Variants in C12orf54 observed in about 807,000 individuals in gnomAD.
C12orf54 encodes chromosome 12 open reading frame 54, also known as uncharacterized protein C12orf54.
C12orf54 carries 24 observed loss-of-function variants against 26.4 expected under a neutral mutation model. The ratio of observed to expected loss-of-function variants is 0.91; its 90% CI spans 0.66 to 1.28. The LOEUF is 1.28. Ranked by LOEUF, C12orf54 falls within the 50% of genes most tolerant of loss-of-function variation. The pLI is 0.00. For missense variants in C12orf54, 154 were observed against 150.9 expected, an observed-to-expected ratio of 1.02 and a Z score of -0.11; for synonymous variants, 54 against 47.0, an observed-to-expected ratio of 1.15 and a Z score of -0.61.
the C12orf54 span, among the ~76,000 whole-genome samples, chr12:48,470,236 T>C: frequency 6.6e-6 from 1 of 152,226 alleles, no homozygotes; most frequent in Non-Finnish European, 1.5e-5. Flanking sequence ...GGATCAAATG[T>C]ATTTCTGTTT....
At chr12:48,479,518 T>C (rs1367240031), upstream of C12orf54, among the ~76,000 whole-genome samples, 2 of 151,336 alleles carry the variant, frequency 1.3e-5, no homozygotes, top group African/African-American at 4.8e-5. Flanking sequence ...ATAATAATAA[T>C]AAAATAAAAT....
At chr12:48,445,966 A>T in the C12orf54 span, among the ~76,000 whole-genome samples, 5 of 152,346 alleles carry the variant, frequency 3.3e-5, no homozygotes, top group African/African-American at 1.2e-4. Flanking sequence ...AGATCAGATG[A>T]GAGGACTGAC....
chr12:48,434,848 G>A, the C12orf54 span, among the ~76,000 whole-genome samples: 200 of 152,196 alleles, frequency 1.3e-3, 2 homozygotes, highest in African/African-American at 4.1e-3. Context: ...TCTAAAAACC[G>A]AGCACCTCTC....
At chr12:48,439,680 A>C in the C12orf54 span, among the ~76,000 whole-genome samples, 1 of 152,158 alleles carries the variant, frequency 6.6e-6, no homozygotes, top group South Asian at 2.1e-4. Flanking sequence ...TCTCACTCAT[A>C]GGTGGGAATT....
At chr12:48,437,909 C>T in the C12orf54 span, among the ~76,000 whole-genome samples, 4 of 152,192 alleles carry the variant, frequency 2.6e-5, no homozygotes, top group African/African-American at 9.6e-5. Flanking sequence ...CCAGGGCAAT[C>T]AGGCAGGAGA....
At chr12:48,493,627 TAAAAAAAA>T (rs10535607) in intron 7 of C12orf54, among the ~76,000 whole-genome samples, 1 of 124,320 alleles carries the variant, frequency 8.0e-6, no homozygotes, top group Non-Finnish European at 1.6e-5. Flanking sequence ...ACTGTCTCAT[TAAAAAAAA>T]AAAAAAAAAA....
At chr12:48,439,768 G>T in the C12orf54 span, among the ~76,000 whole-genome samples, 2 of 152,026 alleles carry the variant, frequency 1.3e-5, no homozygotes, top group African/African-American at 4.8e-5. Context: ...GAGTGGGGAG[G>T]GATAGCATTA....
chr12:48,428,853 G>T, the C12orf54 span, among the ~76,000 whole-genome samples: 1 of 150,806 alleles, frequency 6.6e-6, no homozygotes, highest in South Asian at 2.1e-4. Context: ...AACCAGGGAA[G>T]GATATAACCA....
the C12orf54 span, among the ~76,000 whole-genome samples, chr12:48,438,693 G>A: frequency 0.019 from 2,841 of 152,268 alleles, 92 homozygotes; most frequent in African/African-American, 0.064. Context: ...GGGAAAACTG[G>A]CTAGCCATAT....
At chr12:48,476,548 A>T in the C12orf54 span, among the ~76,000 whole-genome samples, 1 of 152,236 alleles carries the variant, frequency 6.6e-6, no homozygotes, top group African/African-American at 2.4e-5. Context: ...GGGATGGAGG[A>T]AGATCTACCA....
At position 48,484,768 on chromosome 12, in the gene C12orf54, A is replaced by C. The variant is rs186522783; in HGVS notation, c.65+1407A>C. On this transcript the variant is annotated intron_variant, in intron 2 of 8. Transcript: ENST00000548364. ...AGCACAAAGAACTGATCAATGTTTG[A>C]GGTGATGGATATCCTAAATACTCTT... Among the ~76,000 whole-genome samples, 3 of 152,364 alleles carry C rather than the reference A, an allele frequency of 2.0e-5. No individual in the cohort carries two copies. In the East Asian group the frequency reaches 5.8e-4, roughly 29 times the overall value.
the C12orf54 span, among the ~76,000 whole-genome samples, chr12:48,413,397 T>C: frequency 6.6e-6 from 1 of 152,210 alleles, no homozygotes; most frequent in Non-Finnish European, 1.5e-5. Context: ...TCTAGCACTC[T>C]TCAACCCCAA....
At chr12:48,440,881 AAAT>A in the C12orf54 span, among the ~76,000 whole-genome samples, 1 of 152,244 alleles carries the variant, frequency 6.6e-6, no homozygotes, top group Non-Finnish European at 1.5e-5. Context: ...AAGCAAAATA[AAAT>A]AAGATAACAA....
At chr12:48,472,568 G>C in the C12orf54 span, 46 of 1,444,250 alleles carry the variant, frequency 3.2e-5, no homozygotes, top group East Asian at 5.0e-4. Flanking sequence ...GGAGAACCCA[G>C]CAGAGCTGGT....
the C12orf54 span, among the ~76,000 whole-genome samples, chr12:48,450,373 C>T: frequency 2.0e-5 from 3 of 152,020 alleles, no homozygotes; most frequent in African/African-American, 7.2e-5. Flanking sequence ...AAGCCCACAT[C>T]AAAAAGCTAA....
At chr12:48,460,597 A>G in the C12orf54 span, among the ~76,000 whole-genome samples, 1 of 152,190 alleles carries the variant, frequency 6.6e-6, no homozygotes, top group Non-Finnish European at 1.5e-5. Flanking sequence ...GACTATTTAA[A>G]GAGAAAATAG....
the C12orf54 span, among the ~76,000 whole-genome samples, chr12:48,448,908 G>T: frequency 6.6e-6 from 1 of 152,132 alleles, no homozygotes; most frequent in Non-Finnish European, 1.5e-5. Context: ...CATTTTAGGG[G>T]GGCATGAGAC....
At chr12:48,425,854 C>T in the C12orf54 span, among the ~76,000 whole-genome samples, 1 of 151,250 alleles carries the variant, frequency 6.6e-6, no homozygotes, top group Non-Finnish European at 1.5e-5. Flanking sequence ...TTTATATATA[C>T]TTGCTGGCCA....
At chr12:48,486,579 C>T in intron 3 of C12orf54, 109 bp from the exon 4 acceptor site, 3 of 1,182,788 alleles carry the variant, frequency 2.5e-6, no homozygotes, top group Admixed American at 4.1e-5. Context: ...TTTGGGTGTC[C>T]AGCTCAATTC....
Sources: allele counts gnomAD v4.1 joint callset (sites outside exome capture counted in the v4.1 genomes callset), GRCh38; gene constraint gnomAD v4.1.1; transcripts MANE v1.5; gene names NCBI Gene and HGNC (gene_info 2026-07-23, HGNC 2026-07-21).